The following KIAA1755 variants were observed in gnomAD, a reference collection of about 807,000 sequenced individuals.
KIAA1755 encodes the protein KIAA1755.
KIAA1755 carries 68 observed loss-of-function variants against 91.7 expected under a neutral mutation model. That is an observed-to-expected ratio of 0.74 (90% CI 0.61 to 0.91). The LOEUF is 0.91. Ranked by LOEUF, KIAA1755 falls within the 40% of genes least tolerant of loss-of-function variation. The pLI, the probability that KIAA1755 is intolerant of heterozygous loss-of-function variation, is 0.00. For synonymous variants in KIAA1755, 610 were observed against 604.6 expected (o/e 1.01, Z -0.13); for missense variants, 1,535 against 1,494.4 (o/e 1.03, Z -0.45).
At chr20:38,227,059 G>A in intron 7 of KIAA1755, 95 bp downstream of exon 7, 1 of 857,460 alleles carries the variant, frequency 1.2e-6, no homozygotes, top group East Asian at 2.6e-5. Flanking sequence ...GCCTCTTCTA[G>A]CTCATGAATT....
At chr20:38,233,432 C>T (rs1225256739) in intron 4 of KIAA1755, 1 of 152,140 alleles carries the variant, frequency 6.6e-6, no homozygotes, top group East Asian at 1.9e-4. Context: ...GGTGCGGGTA[C>T]AGGTCCCTCC....
Position 38,212,556 on chromosome 20 carries a change from A to G in KIAA1755, c.*486T>C, listed in dbSNP as rs1483970084. The stretch of plus-strand genomic sequence containing the variant: ...AGGTTCCTGGATCAGCACCAAACAC[A>G]CTGATCCTTAAATCCTCATCTCAGG... On this transcript the variant is annotated 3_prime_UTR_variant, in exon 14 of 14. Transcript: ENST00000279024. The G allele has an allele frequency of 6.4e-6, 1 of 155,690 alleles. No individual in the cohort carries two copies. The highest frequency in any genetic ancestry group is 2.4e-5 in the African/African-American group (1 of 41,520). 9.6% of individuals were successfully genotyped at this position (155,690 alleles called of 1,614,324 possible).
At chr20:38,221,534 C>T (rs1055117822) in intron 10 of KIAA1755, among the ~76,000 whole-genome samples, 1 of 152,170 alleles carries the variant, frequency 6.6e-6, no homozygotes, top group Non-Finnish European at 1.5e-5. Context: ...GTCCGGGCCC[C>T]ACCACATCCC....
chr20:38,259,820 C>CCACACACACACACACACACACA (rs57325877), intron 1 of KIAA1755, among the ~76,000 whole-genome samples: 7 of 138,800 alleles, frequency 5.0e-5, no homozygotes, highest in South Asian at 2.4e-4. Context: ...ACCACCACCA[C>CCACACACACACACACACACACA]CACACACACA....
At chr20:38,252,066 C>G (rs1385033328) in intron 1 of KIAA1755, among the ~76,000 whole-genome samples, 1 of 152,088 alleles carries the variant, frequency 6.6e-6, no homozygotes, top group East Asian at 1.9e-4. Flanking sequence ...CTCAGGGAAA[C>G]AGTGAGTTAA....
intron 2 of KIAA1755, among the ~76,000 whole-genome samples, chr20:38,242,357 C>A (rs939754401): frequency 6.6e-6 from 1 of 152,164 alleles, no homozygotes; most frequent in Non-Finnish European, 1.5e-5. Context: ...CTTCTTTGAG[C>A]CCCAATTTCC....
At chr20:38,220,556 T>G (rs936033201) in intron 10 of KIAA1755, among the ~76,000 whole-genome samples, 1 of 152,164 alleles carries the variant, frequency 6.6e-6, no homozygotes, top group African/African-American at 2.4e-5. Flanking sequence ...TCAGGTGATC[T>G]GTCTGCCTCA....
Position 38,240,706 on chromosome 20 carries a change from G to T in KIAA1755, c.1425C>A (p.Phe475Leu), listed in dbSNP as rs760439141. 5 of 1,567,664 alleles carry T rather than the reference G, an allele frequency of 3.2e-6. No homozygotes were observed. In the South Asian group the frequency reaches 4.8e-5, roughly 15 times the overall value. Reference protein sequence around the residue: ...EPPTPGLKFSFLRGQRQPSVT... With the variant: ...EPPTPGLKFSLLRGQRQPSVT... ...CAGAGGGTTGCCTCTGCCCTCTCAA[G>T]AATGAGAATTTGAGCCCAGGAGTGG... The change falls in exon 3 of 14, where the codon TTC becomes TTA. Residue 475 changes from phenylalanine to leucine, a missense_variant. Physicochemically the swap from Phe to Leu is conservative, Grantham distance 22. Transcript: ENST00000279024.
At chr20:38,220,832 C>T (rs887564372) in intron 10 of KIAA1755, among the ~76,000 whole-genome samples, 4 of 152,194 alleles carry the variant, frequency 2.6e-5, no homozygotes, top group Admixed American at 6.5e-5. Context: ...GGAGGGGAAT[C>T]GACTTGCAGA....
chr20:38,238,433 T>A (rs888469328), intron 4 of KIAA1755, among the ~76,000 whole-genome samples: 1 of 152,210 alleles, frequency 6.6e-6, no homozygotes, highest in African/African-American at 2.4e-5. Context: ...TCTGGACCTT[T>A]GCACATGCTG....
chr20:38,231,815 T>G (rs1167978396), intron 4 of KIAA1755, among the ~76,000 whole-genome samples: 2 of 152,230 alleles, frequency 1.3e-5, no homozygotes, highest in Non-Finnish European at 2.9e-5. Flanking sequence ...GCTCAATCGT[T>G]GGTCGTTACA....
At chr20:38,219,862 G>T in intron 10 of KIAA1755, 94 bp from the exon 11 acceptor site, 2 of 1,495,334 alleles carry the variant, frequency 1.3e-6, no homozygotes, top group Non-Finnish European at 9.1e-7. Context: ...CATCTCTGTG[G>T]CCCCAGCCTG....
Position 38,253,996 on chromosome 20 carries a change from G to C in KIAA1755, c.3+6502C>G, listed in dbSNP as rs766623433. Among the ~76,000 whole-genome samples, 8 of 152,182 alleles carry C rather than the reference G, an allele frequency of 5.3e-5. No individual in the cohort carries two copies. In the South Asian group the frequency reaches 1.7e-3, roughly 31 times the overall value. On this transcript the variant is annotated intron_variant, in intron 1 of 13. Transcript: ENST00000279024. ...CCTCCTGGGTTCAAGCGATTCTCCT[G>C]CCTCAGCCTCCCAGGTAGCTGGGAT...
rs747147508 is a variant in KIAA1755 at position 38,231,270 on chromosome 20, G to A, written c.1803C>T (p.Ala601=). The change falls in exon 5 of 14, where the codon GCC becomes GCT. Residue 601 remains alanine, a synonymous_variant. Coordinates refer to ENST00000279024, the MANE Select transcript of KIAA1755 (RefSeq NM_001029864.2). ...AAACTGTGCACCATGGTGCCTCCCAGGCCCCCTCTGTAGTTGACACCAGAA... is the reference window on the plus strand; with the variant it reads ...AAACTGTGCACCATGGTGCCTCCCAAGCCCCCTCTGTAGTTGACACCAGAA... ...PLLLVSTTEG[A]WEAPWCTVSE... The A allele has an allele frequency of 4.3e-6, 7 of 1,612,640 alleles. No individual in the cohort carries two copies. Among genetic ancestry groups the A allele is most frequent in the Non-Finnish European group, 5.9e-6 (7 of 1,179,668 alleles).
rs770258224 is a variant in KIAA1755, at chr20:38,213,667, C to G, written c.2978G>C (p.Gly993Ala). 3.1e-6 allele frequency: 5 copies of G among 1,594,372 alleles called. No homozygotes were observed. Among genetic ancestry groups the G allele is most frequent in the Non-Finnish European group, 4.3e-6 (5 of 1,170,192 alleles). Reference sequence around the variant, plus strand: ...GTAGCGGTGGAGGCGGCGCTGGTCCCCAGGACTGACCCTTGAGGTCTTGTC... The same window carrying G: ...GTAGCGGTGGAGGCGGCGCTGGTCCGCAGGACTGACCCTTGAGGTCTTGTC... ...RLDKTSRVSPGDQRRLHRYLQ... is the reference protein window; with the variant it reads ...RLDKTSRVSPADQRRLHRYLQ... Residue 993 changes from glycine (G) to alanine (A), a missense_variant, in exon 14 of 14, where the codon GGG (glycine) becomes GCG (alanine). Transcript: ENST00000279024.
intron 1 of KIAA1755, among the ~76,000 whole-genome samples, chr20:38,259,530 T>TGA (rs35609888): frequency 3.3e-4 from 34 of 104,126 alleles, no homozygotes; most frequent in East Asian, 1.5e-3. Context: ...TGTGTGTGTG[T>TGA]GAGAGAGAGA....
At chr20:38,257,407 C>T (rs1164797396) in intron 1 of KIAA1755, among the ~76,000 whole-genome samples, 2 of 151,866 alleles carry the variant, frequency 1.3e-5, no homozygotes, top group South Asian at 2.1e-4. Context: ...ATGGTAAAAC[C>T]CCATCTCTAC....
chr20:38,222,448 C>T lies in KIAA1755; in HGVS notation c.2417+1G>A. 1 of 1,612,338 alleles carries T rather than the reference C, an allele frequency of 6.2e-7. No homozygotes were observed. The highest frequency in any genetic ancestry group is 8.5e-7 in the Non-Finnish European group (1 of 1,179,744). On this transcript the variant is annotated splice_donor_variant, in intron 10 of 13. Coordinates refer to ENST00000279024, the MANE Select transcript of KIAA1755 (RefSeq NM_001029864.2). LOFTEE classifies it high-confidence loss of function. ...AAGAGGAAAGGCCTGGACGTCTGTA[C>T]CTGACATCAGGGCTGAAGTCCAGCC...
In KIAA1755 at chr20:38,240,942, C is replaced by T; in HGVS notation, c.1189G>A (p.Ala397Thr). 6.2e-7 allele frequency: 1 copy of T among 1,614,036 alleles called. No individual in the cohort carries two copies. The highest frequency in any genetic ancestry group is 1.7e-4 in the Middle Eastern group (1 of 6,060). Residue 397 changes from alanine (A) to threonine (T), a missense_variant, in exon 3 of 14, where the codon GCC (alanine) becomes ACC (threonine). Transcript: ENST00000279024. The stretch of plus-strand genomic sequence containing the variant: ...CCTAGAGGTCCCTGCATCTTGGAGG[C>T]AGCTGGCTCTTGTGAGACACCTGCC... ...LRAGVSQEPA[A>T]SKMQGPLGNP...
Sources: gnomAD v4.1 joint callset for allele counts (sites outside exome capture counted in the v4.1 genomes callset) on GRCh38, gnomAD v4.1.1 for gene constraint, MANE v1.5 for transcripts, NCBI Gene and HGNC (gene_info 2026-07-23, HGNC 2026-07-21) for gene names.